The following BIRC2 variants were observed in gnomAD, a reference collection of about 807,000 sequenced individuals.
BIRC2 encodes the protein baculoviral IAP repeat containing 2.
Under a neutral mutation model 60.9 loss-of-function variants are expected in BIRC2, and 18 were observed. The observed-to-expected ratio is 0.30, with a 90% CI of 0.20 to 0.44. The LOEUF (loss-of-function observed/expected upper bound fraction) is 0.44, where lower values mean the gene tolerates loss of function less well. Ranked by LOEUF, BIRC2 falls within the 20% of genes least tolerant of loss-of-function variation. BIRC2 has a pLI of 1.00. For synonymous variants in BIRC2, 282 were observed against 247.7 expected, an observed-to-expected ratio of 1.14 and a Z score of -1.30; for missense variants, 701 against 728.5, an observed-to-expected ratio of 0.96 and a Z score of 0.43.
At chr11:102,359,272 CA>C (rs1257884099) in intron 3 of BIRC2, among the ~76,000 whole-genome samples, 2 of 152,144 alleles carry the variant, frequency 1.3e-5, no homozygotes, top group East Asian at 3.9e-4. Flanking sequence ...TTTTTGATGT[CA>C]TTATTTGCAT....
intron 6 of BIRC2, 47 bp downstream of exon 6, chr11:102,368,595 T>C: frequency 6.3e-7 from 1 of 1,591,008 alleles, no homozygotes; most frequent in Non-Finnish European, 8.6e-7. Context: ...GTGGAGCTCT[T>C]AGGACTGTCT....
intron 1 of BIRC2, 156 bp downstream of exon 1, chr11:102,347,532 C>T (rs1220478723): frequency 1.3e-5 from 2 of 152,264 alleles, no homozygotes; most frequent in African/African-American, 4.8e-5. Context: ...TCTCTGCTTT[C>T]TACTCTCGCC....
Position 102,350,956 on chromosome 11 carries a change from A to G in BIRC2, c.995+13A>G. On this transcript the variant is annotated intron_variant, in intron 3 of 8. Coordinates refer to ENST00000227758, the MANE Select transcript of BIRC2 (RefSeq NM_001166.5). ...AGTGGTTTCCAAGGTAATTGTTTTG[A>G]AAAAGGTATTTGTACAAAAAACTCT... 1.2e-6 allele frequency: 2 copies of G among 1,609,888 alleles called. No homozygotes were observed. The highest frequency in any genetic ancestry group is 2.2e-5 in the South Asian group (2 of 90,132).
At position 102,357,328 on chromosome 11, in the gene BIRC2, T is replaced by TTCC. The variant is rs200136345; in HGVS notation, c.996-5553_996-5551dup. 8.8e-3 allele frequency among the ~76,000 whole-genome samples: 1,324 copies of TTCC among 151,286 alleles called. 4 individuals are homozygous for TTCC. Among genetic ancestry groups the TTCC allele is most frequent in the Non-Finnish European group, 0.013 (880 of 67,750 alleles). On this transcript the variant is annotated intron_variant, in intron 3 of 8. Transcript: ENST00000227758. The stretch of plus-strand genomic sequence containing the variant: ...CCTTTTCTTTCTTCTTCCTCCTTCT[T>TTCC]TCCTCCTCCTCCTCCTCTTCCTTCT...
chr11:102,353,185 G>A (rs990361160), intron 3 of BIRC2, among the ~76,000 whole-genome samples: 1 of 152,008 alleles, frequency 6.6e-6, no homozygotes, highest in Non-Finnish European at 1.5e-5. Flanking sequence ...TTCCAGTGTT[G>A]GAACTGCTAC....
intron 3 of BIRC2, among the ~76,000 whole-genome samples, chr11:102,360,902 G>C (rs1342885336): frequency 6.6e-6 from 1 of 151,902 alleles, no homozygotes; most frequent in Admixed American, 6.6e-5. Context: ...ACTCCATGCA[G>C]CTCCATTAGC....
chr11:102,358,600 T>G (rs918841856), intron 3 of BIRC2, among the ~76,000 whole-genome samples: 1 of 152,236 alleles, frequency 6.6e-6, no homozygotes, highest in Non-Finnish European at 1.5e-5. Context: ...TTACTATCTA[T>G]TAATGTCTTC....
chr11:102,377,973 T>C lies in BIRC2; in HGVS notation c.1664-17T>C. On this transcript the variant is annotated splice_polypyrimidine_tract_variant and intron_variant, in intron 8 of 8. Coordinates refer to ENST00000227758, the MANE Select transcript of BIRC2 (RefSeq NM_001166.5). ...TGAAGTGGAAACAATTTCACTAAAG[T>C]TATTTTTTGTTATTAGGTCTGTCAC... The C allele has an allele frequency of 6.2e-7, 1 of 1,600,836 alleles. No homozygotes were observed. Among genetic ancestry groups the C allele is most frequent in the South Asian group, 1.1e-5 (1 of 87,776 alleles).
At chr11:102,353,231 T>G (rs946165633) in intron 3 of BIRC2, among the ~76,000 whole-genome samples, 1 of 152,216 alleles carries the variant, frequency 6.6e-6, no homozygotes, top group African/African-American at 2.4e-5. Context: ...AAAATCTTTA[T>G]TTTTGTAACT....
At position 102,368,516 on chromosome 11, in the gene BIRC2, A is replaced by G; in HGVS notation, c.1334A>G (p.Glu445Gly). Residue 445 changes from glutamate to glycine, a missense_variant, in exon 6 of 9, where the codon GAG becomes GGG. Transcript: ENST00000227758. ...GCTGAAGATGAAAAAAGAGAAGAGG[A>G]GAAGGAAAAACAAGCTGAAGAAATG... is the stretch of plus-strand genomic sequence containing the variant. ...LNAEDEKREE[E>G]KEKQAEEMAS... 6.2e-7 allele frequency: 1 copy of G among 1,613,550 alleles called. No homozygotes were observed. Among genetic ancestry groups the G allele is most frequent in the Non-Finnish European group, 8.5e-7 (1 of 1,179,816 alleles).
chr11:102,353,700 T>TTTTTTG (rs1951388504), intron 3 of BIRC2, among the ~76,000 whole-genome samples: 2 of 147,094 alleles, frequency 1.4e-5, no homozygotes, highest in African/African-American at 2.5e-5. Flanking sequence ...TTTTTTTTTT[T>TTTTTTG]TTTGGTGAGA....
chr11:102,373,731 G>A (rs1425751634), intron 6 of BIRC2, among the ~76,000 whole-genome samples: 2 of 151,104 alleles, frequency 1.3e-5, no homozygotes, highest in East Asian at 3.9e-4. Context: ...CTAGATTGGG[G>A]AAGTTCTCCT....
intron 4 of BIRC2, 40 bp downstream of exon 4, chr11:102,363,014 T>G (rs1001513725): frequency 7.1e-7 from 1 of 1,416,324 alleles, no homozygotes; most frequent in Non-Finnish European, 9.8e-7. Flanking sequence ...GAATTCTGCT[T>G]TATAATAACA....
chr11:102,347,765 A>G (rs906488292), intron 1 of BIRC2: 1 of 152,148 alleles, frequency 6.6e-6, no homozygotes, highest in African/African-American at 2.4e-5. Context: ...GATATTTCAT[A>G]TTTCATAGTT....
At position 102,348,647 on chromosome 11, in the gene BIRC2, A is replaced by G; in HGVS notation, c.-1208A>G. 1 of 327,248 alleles carries G rather than the reference A, an allele frequency of 3.1e-6. No individual in the cohort carries two copies. Among genetic ancestry groups the G allele is most frequent in the Non-Finnish European group, 5.9e-6 (1 of 168,422 alleles). The allele number at this position is 327,248 out of a possible 1,614,324, so 20.3% of individuals were successfully genotyped here. A position where few individuals can be genotyped will look rare whatever the true frequency, so the allele number is the denominator to read the frequency against. On this transcript the variant is annotated 5_prime_UTR_variant, in exon 2 of 9. Transcript: ENST00000227758. The stretch of plus-strand genomic sequence containing the variant: ...TATCCCTATTTTGTCCCCCTGCAGT[A>G]ATAAATCCCATTATGGAGATCTCGA...
chr11:102,368,159 T>C, intron 5 of BIRC2, 147 bp from the exon 6 acceptor site: 1 of 928,202 alleles, frequency 1.1e-6, no homozygotes, highest in East Asian at 2.5e-5. Context: ...TTCAAACTTT[T>C]ATTGGAGTTA....
chr11:102,364,174 T>TACACACACACAC (rs376590420), intron 5 of BIRC2, among the ~76,000 whole-genome samples: 1 of 78,118 alleles, frequency 1.3e-5, no homozygotes, highest in African/African-American at 6.7e-5. Context: ...TATATATATA[T>TACACACACACAC]ACACACACAC....
intron 3 of BIRC2, among the ~76,000 whole-genome samples, chr11:102,360,686 CTT>C (rs764762961): frequency 1.1e-4 from 14 of 126,030 alleles, no homozygotes; most frequent in Non-Finnish European, 1.5e-4. Context: ...TGTCACGTTT[CTT>C]TTTTTTTTTT....
chr11:102,375,673 G>A (rs771364507), intron 6 of BIRC2, among the ~76,000 whole-genome samples: 1 of 151,936 alleles, frequency 6.6e-6, no homozygotes, highest in East Asian at 1.9e-4. Flanking sequence ...CCAGCTATTC[G>A]GGAGGCTGAG....
Sources: gnomAD v4.1 joint callset for allele counts (sites outside exome capture counted in the v4.1 genomes callset) on GRCh38, gnomAD v4.1.1 for gene constraint, MANE v1.5 for transcripts, NCBI Gene and HGNC (gene_info 2026-07-23, HGNC 2026-07-21) for gene names.